PARD3: variants seen among roughly 807,000 people sequenced by gnomAD.
The protein encoded by PARD3 is partitioning defective 3 homolog.
Under a neutral mutation model 155.4 loss-of-function variants are expected in PARD3, and 75 were observed. The ratio of observed to expected loss-of-function variants is 0.48; its 90% confidence interval spans 0.40 to 0.58. The LOEUF is 0.58. PARD3 is among the 20% of genes least tolerant of loss of function. The probability of loss-of-function intolerance (pLI) is 0.00; values close to 1 mark genes in which losing one functional copy is unlikely to be tolerated. For synonymous variants in PARD3, 576 were observed against 610.5 expected, an observed-to-expected ratio of 0.94 and a Z score of 0.83; for missense variants, 1,642 against 1,721.7, an observed-to-expected ratio of 0.95 and a Z score of 0.82.
At chr10:34,722,586 C>T (rs1008982657) in intron 1 of PARD3, among the ~76,000 whole-genome samples, 13 of 152,272 alleles carry the variant, frequency 8.5e-5, no homozygotes, top group Admixed American at 6.5e-4. Flanking sequence ...TGTTCCGTCT[C>T]ACTCTCCAGG....
At chr10:34,260,471 A>G (rs550694102) in intron 22 of PARD3, among the ~76,000 whole-genome samples, 6 of 152,252 alleles carry the variant, frequency 3.9e-5, no homozygotes, top group African/African-American at 1.4e-4. Flanking sequence ...GCTATTAAGG[A>G]GAGGCAAGTG....
At chr10:34,577,100 C>T (rs1388190993) in intron 2 of PARD3, among the ~76,000 whole-genome samples, 1 of 152,278 alleles carries the variant, frequency 6.6e-6, no homozygotes, top group East Asian at 1.9e-4. Context: ...ATACTAATGA[C>T]TAGGCAAAGA....
chr10:34,626,826 T>G (rs2092282182), intron 2 of PARD3, among the ~76,000 whole-genome samples: 1 of 152,200 alleles, frequency 6.6e-6, no homozygotes, highest in African/African-American at 2.4e-5. Context: ...ATATGAGTGA[T>G]GGAATGTGCA....
chr10:34,756,149 C>CTT, intron 1 of PARD3, among the ~76,000 whole-genome samples: 1 of 96,154 alleles, frequency 1.0e-5, no homozygotes. Context: ...AAAAAATGCA[C>CTT]CTTTTTTTTT....
chr10:34,517,550 C>T (rs2081861835), intron 2 of PARD3, among the ~76,000 whole-genome samples: 1 of 151,800 alleles, frequency 6.6e-6, no homozygotes, highest in Non-Finnish European at 1.5e-5. Flanking sequence ...ATGGTATGAA[C>T]TACTATTCAC....
At position 34,692,100 on chromosome 10, in the gene PARD3, C is replaced by T. The variant is rs182438060; in HGVS notation, c.222+4218G>A. ...TACAAAAATTAGCCAGGCATGGTGA[C>T]GTGCACCTGTAATCCCAGCTACTCA... On this transcript the variant is annotated intron_variant, in intron 2 of 24. Coordinates refer to ENST00000374788, the MANE Select transcript of PARD3 (RefSeq NM_001184785.2). Among the ~76,000 whole-genome samples, 41 of 152,100 alleles carry T rather than the reference C, an allele frequency of 2.7e-4. 1 individual carries two copies. In the East Asian group the frequency reaches 5.2e-3, roughly 19 times the overall value.
At chr10:34,590,459 C>T (rs767524532) in intron 2 of PARD3, among the ~76,000 whole-genome samples, 3 of 152,174 alleles carry the variant, frequency 2.0e-5, no homozygotes, top group Non-Finnish European at 4.4e-5. Flanking sequence ...AACTGTAATA[C>T]TGTATAATCC....
intron 5 of PARD3, among the ~76,000 whole-genome samples, chr10:34,421,902 C>A (rs2075334655): frequency 6.6e-6 from 1 of 152,020 alleles, no homozygotes; most frequent in Admixed American, 6.6e-5. Context: ...GCAGAGGCAG[C>A]AAGATAAAGT....
chr10:34,696,423 T>C lies in PARD3; in HGVS notation c.121-4A>G. On this transcript the variant is annotated splice_region_variant and splice_polypyrimidine_tract_variant and intron_variant, in intron 1 of 24. Transcript: ENST00000374788. Reference sequence around the variant, plus strand: ...CCTGTATCCAGTAGTTTGGATCCTATACGAAAGAACAGAAACACTGAATAT... The same window carrying C: ...CCTGTATCCAGTAGTTTGGATCCTACACGAAAGAACAGAAACACTGAATAT... 1 of 1,571,344 alleles carries C rather than the reference T, an allele frequency of 6.4e-7. No individual in the cohort carries two copies. Among genetic ancestry groups the C allele is most frequent in the Non-Finnish European group, 8.8e-7 (1 of 1,141,488 alleles).
intron 3 of PARD3, among the ~76,000 whole-genome samples, chr10:34,513,319 G>A (rs116755874): frequency 1.7e-3 from 261 of 152,200 alleles, no homozygotes; most frequent in African/African-American, 5.7e-3. Flanking sequence ...TCATTCTGCC[G>A]CCCAGGCTGG....
intron 3 of PARD3, among the ~76,000 whole-genome samples, chr10:34,488,359 A>G (rs2133287115): frequency 6.6e-6 from 1 of 152,062 alleles, no homozygotes; most frequent in East Asian, 1.9e-4. Flanking sequence ...TCGCTCTGTC[A>G]CCCAGGCTGG....
intron 22 of PARD3, among the ~76,000 whole-genome samples, chr10:34,144,114 A>C (rs1468031652): frequency 6.6e-6 from 1 of 152,206 alleles, no homozygotes; most frequent in Admixed American, 6.5e-5. Context: ...AGTTATTGAT[A>C]GATTTTGAAA....
intron 1 of PARD3, among the ~76,000 whole-genome samples, chr10:34,716,585 CTTTTTTTT>C (rs34751073): frequency 1.4e-5 from 1 of 73,246 alleles, no homozygotes; most frequent in African/African-American, 4.8e-5. Flanking sequence ...GATGGCTTTT[CTTTTTTTT>C]TTTTTTTTTT....
chr10:34,701,333 A>ATGATGTTGTTGTTGT (rs1554815382), intron 1 of PARD3, among the ~76,000 whole-genome samples: 2,376 of 149,954 alleles, frequency 0.016, 28 homozygotes, highest in Non-Finnish European at 0.026. Flanking sequence ...ACACGCGGGG[A>ATGATGTTGTTGTTGT]TGTTGTTGTT....
intron 3 of PARD3, among the ~76,000 whole-genome samples, chr10:34,495,623 G>A (rs1370251954): frequency 6.6e-6 from 1 of 152,130 alleles, no homozygotes; most frequent in Non-Finnish European, 1.5e-5. Context: ...ACTGATTCCA[G>A]GTATGGGGCA....
Position 34,362,916 on chromosome 10 carries a change from C to A in PARD3, c.1708-2657G>T, listed in dbSNP as rs12765275. The stretch of plus-strand genomic sequence containing the variant: ...AATACAAAACAACATCAATACACAT[C>A]ATAGTTCCCCTTGACTTTAAATTTG... On this transcript the variant is annotated intron_variant, in intron 12 of 24. Transcript: ENST00000374788. Among the ~76,000 whole-genome samples the A allele has an allele frequency of 8.6e-3, 1,313 of 152,342 alleles. 10 individuals carry two copies. The highest frequency in any genetic ancestry group is 0.016 in the Non-Finnish European group (1,109 of 68,038).
chr10:34,727,704 T>G lies in PARD3; in HGVS notation c.121-31285A>C, dbSNP rs903359208. 2.6e-5 allele frequency among the ~76,000 whole-genome samples: 4 copies of G among 152,216 alleles called. No homozygotes were observed. The South Asian group carries it at 8.3e-4, about 32-fold the overall frequency. On this transcript the variant is annotated intron_variant, in intron 1 of 24. Transcript: ENST00000374788. ...TCTCTCCATTCCCAATCACACACAC[T>G]GTTGCCAGAATAACATTCCTCCAGC...
Position 34,374,977 on chromosome 10 carries a change from T to G in PARD3, c.1565A>C (p.Lys522Thr), listed in dbSNP as rs1381251462. The G allele has an allele frequency of 1.2e-6, 2 of 1,613,454 alleles. No homozygotes were observed. The highest frequency in any genetic ancestry group is 1.7e-6 in the Non-Finnish European group (2 of 1,179,836). ...IEVNGVDLVG[K>T]SQEEVVSLLR... ...CAGCGAAACAACTTCCTCTTGGGAT[T>G]TGCCCACTAAATCTACTCCATTTAC... Residue 522 changes from lysine to threonine, a missense_variant, in exon 11 of 25, where the codon AAA becomes ACA. Lys to Thr is a moderately conservative substitution (Grantham distance 78). Coordinates refer to ENST00000374788, the MANE Select transcript of PARD3 (RefSeq NM_001184785.2).
chr10:34,503,109 C>G (rs561051215), intron 3 of PARD3, among the ~76,000 whole-genome samples: 2 of 152,184 alleles, frequency 1.3e-5, no homozygotes, highest in African/African-American at 2.4e-5. Flanking sequence ...ACTACTTAGA[C>G]AAACTGATCA....
Sources: allele counts gnomAD v4.1 joint callset (sites outside exome capture counted in the v4.1 genomes callset), GRCh38; gene constraint gnomAD v4.1.1; transcripts MANE v1.5; gene names NCBI Gene and HGNC (gene_info 2026-07-23, HGNC 2026-07-21).